PTGER3: variants seen among roughly 807,000 people sequenced by gnomAD.
PTGER3 encodes the protein prostaglandin E receptor 3, also known as prostaglandin E2 receptor EP3 subtype.
A neutral mutation model predicts 34.7 loss-of-function variants in PTGER3; 22 were observed. The observed-to-expected ratio is 0.63, with a 90% CI of 0.45 to 0.91. The LOEUF (loss-of-function observed/expected upper bound fraction) is 0.91, where lower values mean the gene tolerates loss of function less well. PTGER3 is among the 40% of genes least tolerant of loss of function. The pLI, the probability that PTGER3 is intolerant of heterozygous loss-of-function variation, is 0.00. For missense variants in PTGER3, 468 were observed against 519.4 expected, an observed-to-expected ratio of 0.90 and a Z score of 0.96; for synonymous variants, 241 against 230.1, an observed-to-expected ratio of 1.05 and a Z score of -0.43.
rs1647001600 is a variant in PTGER3, at chr1:70,908,754, A to G, written c.*23+45009T>C. Among the ~76,000 whole-genome samples the G allele has an allele frequency of 3.3e-5, 5 of 152,202 alleles. No individual in the cohort carries two copies. In the South Asian group the frequency reaches 1.0e-3, roughly 31 times the overall value. On this transcript the variant is annotated intron_variant, in intron 4 of 4. Coordinates refer to the PTGER3 transcript ENST00000370931. ...AGGAATTTATCCTGAAGTCATACTC[A>G]CAAATGCCCCCAAAGGCATGATCTT... is the stretch of plus-strand genomic sequence containing the variant.
At chr1:70,855,247 C>T (rs1338000551) in intron 4 of PTGER3, among the ~76,000 whole-genome samples, 5 of 152,144 alleles carry the variant, frequency 3.3e-5, no homozygotes, top group African/African-American at 1.2e-4. Flanking sequence ...CTGTATGATT[C>T]CACCTGTATA....
intron 4 of PTGER3, among the ~76,000 whole-genome samples, chr1:70,918,535 G>T (rs1457203045): frequency 6.6e-6 from 1 of 151,970 alleles, no homozygotes; most frequent in East Asian, 1.9e-4. Flanking sequence ...TTTCTCTAGA[G>T]CATCTTAATC....
At chr1:70,941,515 A>G (rs1008644445) in intron 4 of PTGER3, among the ~76,000 whole-genome samples, 4 of 152,168 alleles carry the variant, frequency 2.6e-5, no homozygotes, top group Non-Finnish European at 5.9e-5. Context: ...AATATGTCTT[A>G]TGTGTATGAC....
At chr1:70,936,006 T>C (rs1649189677) in intron 4 of PTGER3, among the ~76,000 whole-genome samples, 1 of 152,146 alleles carries the variant, frequency 6.6e-6, no homozygotes, top group Non-Finnish European at 1.5e-5. Flanking sequence ...TTTTGGAGAA[T>C]GCACCAATAC....
chr1:70,876,207 T>C (rs1159327934), intron 4 of PTGER3, among the ~76,000 whole-genome samples: 2 of 152,118 alleles, frequency 1.3e-5, no homozygotes, highest in African/African-American at 4.8e-5. Flanking sequence ...GAACATTTTA[T>C]AATATGCTTG....
chr1:70,855,666 A>G (rs1485975406), intron 4 of PTGER3, among the ~76,000 whole-genome samples: 1 of 152,180 alleles, frequency 6.6e-6, no homozygotes, highest in Non-Finnish European at 1.5e-5. Context: ...ATGACAGAGT[A>G]TTAATATCTG....
At chr1:70,866,028 G>T (rs1646035012) in intron 4 of PTGER3, among the ~76,000 whole-genome samples, 1 of 152,174 alleles carries the variant, frequency 6.6e-6, no homozygotes, top group African/African-American at 2.4e-5. Context: ...CCATGTAAAA[G>T]CCTGTTTCCC....
intron 1 of PTGER3, among the ~76,000 whole-genome samples, chr1:71,015,180 A>AC (rs1657780918): frequency 6.6e-6 from 1 of 152,108 alleles, no homozygotes; most frequent in African/African-American, 2.4e-5. Flanking sequence ...ATTATTCCAA[A>AC]CCACTGGCCT....
At chr1:70,931,880 C>A (rs976968150) in intron 4 of PTGER3, among the ~76,000 whole-genome samples, 24 of 152,176 alleles carry the variant, frequency 1.6e-4, no homozygotes, top group African/African-American at 5.5e-4. Context: ...CAGCTCCTTG[C>A]TACTTATACA....
chr1:70,930,838 AC>A (rs1455449789), intron 4 of PTGER3, among the ~76,000 whole-genome samples: 3 of 152,076 alleles, frequency 2.0e-5, no homozygotes, highest in Non-Finnish European at 4.4e-5. Flanking sequence ...ACAGAGCCAA[AC>A]CATATCATTC....
intron 4 of PTGER3, among the ~76,000 whole-genome samples, chr1:70,856,059 A>G (rs1572462774): frequency 6.6e-6 from 1 of 152,286 alleles, no homozygotes; most frequent in East Asian, 1.9e-4. Flanking sequence ...TAGTTGTGCC[A>G]CTAAGACATC....
At chr1:70,990,384 C>T (rs202029111) in intron 2 of PTGER3, among the ~76,000 whole-genome samples, 1,319 of 99,820 alleles carry the variant, frequency 0.013, 18 homozygotes, top group East Asian at 0.07. Context: ...CACACACACA[C>T]ACATATATAT....
intron 4 of PTGER3, among the ~76,000 whole-genome samples, chr1:70,886,636 C>G (rs1646504282): frequency 6.6e-6 from 1 of 152,212 alleles, no homozygotes; most frequent in Non-Finnish European, 1.5e-5. Flanking sequence ...CCACATCACT[C>G]TCTGCATCTT....
At position 70,974,618 on chromosome 1, in the gene PTGER3, T is replaced by C. The variant is rs41287928; in HGVS notation, c.1078-230A>G. Among the ~76,000 whole-genome samples, 297 of 152,224 alleles carry C rather than the reference T, an allele frequency of 2.0e-3. 3 individuals carry two copies. In the Middle Eastern group the frequency reaches 0.044, roughly 23 times the overall value. On this transcript the variant is annotated intron_variant, in intron 2 of 3. Coordinates refer to ENST00000306666, the MANE Select transcript of PTGER3 (RefSeq NM_198719.2). ...AGGCAGAGACCATGTCTGATATGAC[T>C]GGGGAAGTTATCACAGCACTTGTTA...
chr1:70,852,565 C>T, exon 5 of PTGER3: 1 of 470,322 alleles, frequency 2.1e-6, no homozygotes, highest in Non-Finnish European at 3.7e-6. Flanking sequence ...TAAAAAAATG[C>T]AAATTTTACA....
At chr1:70,878,503 C>T (rs556996381) in intron 4 of PTGER3, among the ~76,000 whole-genome samples, 5 of 151,780 alleles carry the variant, frequency 3.3e-5, no homozygotes, top group Admixed American at 2.0e-4. Flanking sequence ...ATTTCTTGTC[C>T]TTTGCTGGCT....
At chr1:70,925,464 T>C (rs528246263) in intron 4 of PTGER3, among the ~76,000 whole-genome samples, 11 of 152,224 alleles carry the variant, frequency 7.2e-5, no homozygotes, top group Non-Finnish European at 1.6e-4. Flanking sequence ...CAAGATGATA[T>C]ACAATATTAT....
downstream of PTGER3, among the ~76,000 whole-genome samples, chr1:70,948,285 T>C (rs1650409713): frequency 1.3e-5 from 2 of 152,190 alleles, no homozygotes; most frequent in South Asian, 2.1e-4. Flanking sequence ...GGTCTTGTGA[T>C]AGTGAGTGAG....
intron 2 of PTGER3, among the ~76,000 whole-genome samples, chr1:70,988,876 A>T (rs1358637936): frequency 6.6e-6 from 1 of 152,314 alleles, no homozygotes; most frequent in African/African-American, 2.4e-5. Context: ...ACACTTATAA[A>T]GGAAACCAAG....
Sources: allele counts gnomAD v4.1 joint callset (sites outside exome capture counted in the v4.1 genomes callset), GRCh38; gene constraint gnomAD v4.1.1; transcripts MANE v1.5; gene names NCBI Gene and HGNC (gene_info 2026-07-23, HGNC 2026-07-21).